The following PRDM16 variants were observed in gnomAD, a reference collection of about 807,000 sequenced individuals.
The protein encoded by PRDM16 is histone-lysine N-methyltransferase PRDM16.
Under a neutral mutation model 110.6 loss-of-function variants are expected in PRDM16, and 23 were observed. That is an observed-to-expected ratio of 0.21 (90% CI 0.15 to 0.29). The LOEUF (loss-of-function observed/expected upper bound fraction) is 0.29. Among genes scored for constraint, PRDM16 ranks in the 10% least tolerant of loss-of-function variants. PRDM16 has a pLI of 1.00. For missense variants in PRDM16, 1,615 were observed against 1,794.3 expected, an observed-to-expected ratio of 0.90 and a Z score of 1.81; for synonymous variants, 799 against 781.8, an observed-to-expected ratio of 1.02 and a Z score of -0.37.
chr1:3,107,513 C>T lies in PRDM16; in HGVS notation c.37+38217C>T, dbSNP rs150643538. On this transcript the variant is annotated intron_variant, in intron 1 of 16. Transcript: ENST00000270722. ...CTTTAAGTATATATCATTTAATGCC[C>T]GATGGGGAGCCTGCGGATCTCCTTA... 2.3e-3 allele frequency among the ~76,000 whole-genome samples: 357 copies of T among 152,286 alleles called. 1 individual carries two copies. Among genetic ancestry groups the T allele is most frequent in the African/African-American group, 8.2e-3 (340 of 41,552 alleles).
At chr1:3,217,749 G>A (rs1639063290) in intron 2 of PRDM16, among the ~76,000 whole-genome samples, 1 of 152,122 alleles carries the variant, frequency 6.6e-6, no homozygotes, top group Admixed American at 6.5e-5. Flanking sequence ...GAGCTCTTGA[G>A]AAACTCAGCC....
chr1:3,242,147 C>G (rs190854631), intron 2 of PRDM16, among the ~76,000 whole-genome samples: 1 of 152,106 alleles, frequency 6.6e-6, no homozygotes, highest in African/African-American at 2.4e-5. Flanking sequence ...TGGGTGGGTA[C>G]GTGGGTTTGT....
chr1:3,125,520 A>G (rs991583869), intron 1 of PRDM16, among the ~76,000 whole-genome samples: 14 of 152,230 alleles, frequency 9.2e-5, no homozygotes, highest in African/African-American at 3.1e-4. Flanking sequence ...AGCGGGACAC[A>G]CGCTCTGAAG....
At chr1:3,223,987 T>C (rs1639230522) in intron 2 of PRDM16, among the ~76,000 whole-genome samples, 1 of 152,008 alleles carries the variant, frequency 6.6e-6, no homozygotes, top group South Asian at 2.1e-4. Flanking sequence ...GGAAATTTTA[T>C]ATATAATAGG....
intron 3 of PRDM16, among the ~76,000 whole-genome samples, chr1:3,251,898 C>T (rs12143201): frequency 0.43 from 65,220 of 152,082 alleles, 15,868 homozygotes; most frequent in East Asian, 0.59. Context: ...GCTTTAAACA[C>T]GAACACACAC....
rs906767176 is a variant in PRDM16 at position 3,359,219 on chromosome 1, G to T, written c.439-25933G>T. Among the ~76,000 whole-genome samples the T allele has an allele frequency of 6.6e-6, 1 of 152,082 alleles. No homozygotes were observed. The highest frequency in any genetic ancestry group is 2.4e-5 in the African/African-American group (1 of 41,408). On this transcript the variant is annotated intron_variant, in intron 3 of 16. Coordinates refer to ENST00000270722, the MANE Select transcript of PRDM16 (RefSeq NM_022114.4). The surrounding 1 kb of genome is among the most constrained non-coding windows in gnomAD (Gnocchi z 4.3). ...CGTGCCTAGTTAATATGTCCATTTT[G>T]TGTTGACTTGGGGTCTCACTATGTT... is the stretch of plus-strand genomic sequence containing the variant.
intron 2 of PRDM16, among the ~76,000 whole-genome samples, chr1:3,231,117 G>A (rs573876315): frequency 6.6e-6 from 1 of 152,298 alleles, no homozygotes; most frequent in African/African-American, 2.4e-5. Context: ...TCCAGATCAT[G>A]TATAATTTAG....
intron 3 of PRDM16, among the ~76,000 whole-genome samples, chr1:3,252,052 G>T (rs960205809): frequency 2.0e-5 from 3 of 152,192 alleles, no homozygotes; most frequent in African/African-American, 4.8e-5. Context: ...GCCGGGTGGC[G>T]GGGTTCCCCT....
At chr1:3,293,806 C>T (rs986081076) in intron 3 of PRDM16, among the ~76,000 whole-genome samples, 9 of 152,186 alleles carry the variant, frequency 5.9e-5, no homozygotes, top group African/African-American at 1.9e-4. Flanking sequence ...CATCCTTTGT[C>T]GGCTTCTCCA....
chr1:3,228,357 A>C (rs1283243382), intron 2 of PRDM16, among the ~76,000 whole-genome samples: 1 of 152,200 alleles, frequency 6.6e-6, no homozygotes, highest in Non-Finnish European at 1.5e-5. Context: ...CACCCCCAGA[A>C]AATTCTGTTT....
chr1:3,324,794 G>A (rs556783169), intron 3 of PRDM16, among the ~76,000 whole-genome samples: 31 of 149,576 alleles, frequency 2.1e-4, no homozygotes, highest in Admixed American at 3.3e-4. Flanking sequence ...TCTCAAACTC[G>A]GCGAGTGAGC....
intron 4 of PRDM16, among the ~76,000 whole-genome samples, chr1:3,396,045 A>T (rs990122126): frequency 6.6e-6 from 1 of 152,152 alleles, no homozygotes; most frequent in African/African-American, 2.4e-5. Context: ...GGCGCAGCTC[A>T]TGGCCACTTT....
intron 1 of PRDM16, among the ~76,000 whole-genome samples, chr1:3,088,204 A>G (rs1237950692): frequency 6.6e-6 from 1 of 152,126 alleles, no homozygotes; most frequent in Non-Finnish European, 1.5e-5. Context: ...CTCACCGAGG[A>G]CGTAGGCAGG....
chr1:3,240,060 G>GGA (rs2100905080), intron 2 of PRDM16, among the ~76,000 whole-genome samples: 2 of 11,532 alleles, frequency 1.7e-4, no homozygotes, highest in South Asian at 7.1e-3. Flanking sequence ...GAGGAGAAGA[G>GGA]GAGAGGAGAG....
At chr1:3,317,003 T>C (rs953198804) in intron 3 of PRDM16, among the ~76,000 whole-genome samples, 1 of 151,868 alleles carries the variant, frequency 6.6e-6, no homozygotes, top group Non-Finnish European at 1.5e-5. Flanking sequence ...AGCAGTGACA[T>C]GGGGTAGCCA....
intron 3 of PRDM16, among the ~76,000 whole-genome samples, chr1:3,356,867 A>G (rs762488245): frequency 5.3e-5 from 8 of 152,120 alleles, no homozygotes; most frequent in Non-Finnish European, 8.8e-5. Flanking sequence ...GACCCTCAGA[A>G]CCCAGGTGCC....
intron 1 of PRDM16, among the ~76,000 whole-genome samples, chr1:3,165,288 T>A (rs1289551867): frequency 1.0e-5 from 1 of 95,690 alleles, no homozygotes; most frequent in Non-Finnish European, 2.1e-5. Context: ...CTTAGGGGCA[T>A]GGACTCACCT....
At chr1:3,267,427 C>T (rs919495578) in intron 3 of PRDM16, among the ~76,000 whole-genome samples, 2 of 152,302 alleles carry the variant, frequency 1.3e-5, no homozygotes, top group Admixed American at 6.5e-5. Context: ...GACCGGAGGA[C>T]GTGAGGCTTG....
chr1:3,105,185 C>T (rs1642625898), intron 1 of PRDM16, among the ~76,000 whole-genome samples: 1 of 152,198 alleles, frequency 6.6e-6, no homozygotes, highest in Non-Finnish European at 1.5e-5. Context: ...GCAGGAGCTT[C>T]CACTGCCTGC....
Sources: allele counts gnomAD v4.1 joint callset (sites outside exome capture counted in the v4.1 genomes callset), GRCh38; gene constraint gnomAD v4.1.1; non-coding constraint Gnocchi (gnomAD v3.1); transcripts MANE v1.5; gene names NCBI Gene and HGNC (gene_info 2026-07-23, HGNC 2026-07-21).